PCDH15: variants seen among roughly 807,000 people sequenced by gnomAD.
PCDH15 encodes protocadherin-15.
In PCDH15, 129 loss-of-function variants were observed where a neutral mutation model predicts 178.5. That is an observed-to-expected ratio of 0.72 (90% confidence interval 0.63 to 0.84). PCDH15 has a LOEUF of 0.84. Among genes scored for constraint, PCDH15 ranks in the 40% least tolerant of loss-of-function variants. The pLI is 0.00. For synonymous variants in PCDH15, 800 were observed against 732.0 expected, an observed-to-expected ratio of 1.09 and a Z score of -1.50; for missense variants, 2,230 against 2,099.9, an observed-to-expected ratio of 1.06 and a Z score of -1.21.
At chr10:54,856,536 T>G (rs1225823554) in intron 3 of PCDH15, among the ~76,000 whole-genome samples, 1 of 152,228 alleles carries the variant, frequency 6.6e-6, no homozygotes, top group Admixed American at 6.5e-5. Context: ...TAAGTGCCAC[T>G]TATATAAACA....
chr10:54,210,957 GAGAC>G (rs1353755216), intron 10 of PCDH15, among the ~76,000 whole-genome samples: 3 of 151,990 alleles, frequency 2.0e-5, no homozygotes, highest in African/African-American at 7.2e-5. Flanking sequence ...GAAGAACTGA[GAGAC>G]AGTAAATTAT....
At chr10:53,809,346 T>G in intron 37 of PCDH15, 1 of 1,613,226 alleles carries the variant, frequency 6.2e-7, no homozygotes, top group South Asian at 1.1e-5. Flanking sequence ...TCTGCCACTC[T>G]TCACCCTCAA....
intron 2 of PCDH15, among the ~76,000 whole-genome samples, chr10:54,571,901 C>A (rs944821809): frequency 1.3e-5 from 2 of 152,106 alleles, no homozygotes; most frequent in African/African-American, 4.8e-5. Context: ...CAGGACTTCT[C>A]AGAAGGTTGG....
chr10:54,171,593 G>A (rs1437895753), intron 13 of PCDH15, among the ~76,000 whole-genome samples: 1 of 151,968 alleles, frequency 6.6e-6, no homozygotes, highest in Non-Finnish European at 1.5e-5. Context: ...GTTTTTCCAA[G>A]CCATCACAGC....
At chr10:54,323,646 T>C (rs7914488) in intron 7 of PCDH15, among the ~76,000 whole-genome samples, 31,138 of 151,986 alleles carry the variant, frequency 0.2, 3,244 homozygotes, top group Admixed American at 0.23. Flanking sequence ...ATATCAGTTT[T>C]TCAATGGGAG....
Position 55,113,650 on chromosome 10 carries a change from T to C in PCDH15, c.-80+52926A>G, listed in dbSNP as rs1419557390. Among the ~76,000 whole-genome samples the C allele has an allele frequency of 2.0e-5, 3 of 152,196 alleles. No homozygotes were observed. The East Asian group carries it at 5.8e-4, about 29-fold the overall frequency. ...TATACTGTGTTAACTTATCTAATTATATGCATGCTTAGAAATTCCAGGGGC... is the reference window on the plus strand; with the variant it reads ...TATACTGTGTTAACTTATCTAATTACATGCATGCTTAGAAATTCCAGGGGC... On this transcript the variant is annotated intron_variant, in intron 2 of 5. Transcript: ENST00000458638.
intron 2 of PCDH15, among the ~76,000 whole-genome samples, chr10:54,547,213 G>A (rs1366846926): frequency 6.6e-6 from 1 of 152,120 alleles, no homozygotes; most frequent in African/African-American, 2.4e-5. Context: ...AATAGATGAA[G>A]TTTAATATGA....
At position 54,998,887 on chromosome 10, in the gene PCDH15, C is replaced by T. The variant is rs916311342; in HGVS notation, c.-79-101387G>A. On this transcript the variant is annotated intron_variant, in intron 2 of 5. Transcript: ENST00000458638. ...AGTTGTATATCAGGAACAAAATATC[C>T]ACAACGTGTATGTTTTTATGTCCTG... Among the ~76,000 whole-genome samples the T allele has an allele frequency of 4.6e-4, 70 of 152,034 alleles. 1 individual carries two copies. Among genetic ancestry groups the T allele is most frequent in the Non-Finnish European group, 9.0e-4 (61 of 67,984 alleles).
intron 2 of PCDH15, among the ~76,000 whole-genome samples, chr10:54,549,869 T>C (rs2086353603): frequency 6.6e-6 from 1 of 152,082 alleles, no homozygotes; most frequent in Admixed American, 6.6e-5. Flanking sequence ...TACATGCATA[T>C]TTAGAATTGC....
At position 55,210,950 on chromosome 10, in the gene PCDH15, G is replaced by T. The variant is rs894347713; in HGVS notation, c.-155-44299C>A. Among the ~76,000 whole-genome samples the T allele has an allele frequency of 3.3e-5, 5 of 151,984 alleles. 1 individual carries two copies. Among genetic ancestry groups the T allele is most frequent in the African/African-American group, 1.2e-4 (5 of 41,396 alleles). ...CTGATGATTCTTTTAATAACTGACT[G>T]TAAATATAGAGTCCCTCTCCCTGTA... On this transcript the variant is annotated intron_variant, in intron 1 of 5. Coordinates refer to the PCDH15 transcript ENST00000458638.
At chr10:54,316,563 CACACACACACACA>C (rs1189881514) in intron 8 of PCDH15, among the ~76,000 whole-genome samples, 1 of 56,032 alleles carries the variant, frequency 1.8e-5, no homozygotes, top group Non-Finnish European at 5.2e-5. Context: ...CACACACACA[CACACACACACACA>C]AATACACCTT....
intron 1 of PCDH15, among the ~76,000 whole-genome samples, chr10:55,242,557 G>T (rs954572298): frequency 6.6e-6 from 1 of 151,960 alleles, no homozygotes; most frequent in African/African-American, 2.4e-5. Context: ...ACAAACTGTC[G>T]GCCAGGAACA....
intron 36 of PCDH15, 65 bp from the exon 37 acceptor site, chr10:53,810,729 G>A: frequency 1.4e-6 from 2 of 1,388,794 alleles, no homozygotes; most frequent in South Asian, 1.2e-5. Context: ...TACCATGAGT[G>A]ATCTGTTTCC....
chr10:55,327,019 G>A (rs993404009), intron 2 of PCDH15, among the ~76,000 whole-genome samples: 1 of 152,126 alleles, frequency 6.6e-6, no homozygotes, highest in African/African-American at 2.4e-5. Flanking sequence ...AAATGTTGCT[G>A]TGGAATGACT....
intron 1 of PCDH15, among the ~76,000 whole-genome samples, chr10:55,242,015 C>T (rs990158657): frequency 9.9e-5 from 15 of 152,074 alleles, no homozygotes; most frequent in East Asian, 1.9e-4. Flanking sequence ...ATTGAGAACA[C>T]ATAATAGTAT....
intron 2 of PCDH15, among the ~76,000 whole-genome samples, chr10:54,633,920 C>T (rs1199022899): frequency 6.6e-6 from 1 of 152,096 alleles, no homozygotes; most frequent in Non-Finnish European, 1.5e-5. Flanking sequence ...CATGGTTGTA[C>T]ACAAATCAGC....
chr10:54,559,848 A>G (rs2087823280), intron 2 of PCDH15, among the ~76,000 whole-genome samples: 1 of 94,542 alleles, frequency 1.1e-5, no homozygotes, highest in Admixed American at 1.1e-4. Context: ...TTTGTCTTAT[A>G]GTAAAAAAAA....
chr10:54,016,829 T>C lies in PCDH15; in HGVS notation c.2751+3363A>G, dbSNP rs143917977. On this transcript the variant is annotated intron_variant, in intron 20 of 37. Transcript: ENST00000644397. The stretch of plus-strand genomic sequence containing the variant: ...AAATAATCTGTACAGTCAAACCCTG[T>C]GACACACAATTTACCTGTATAACAA... 2.5e-3 allele frequency among the ~76,000 whole-genome samples: 373 copies of C among 152,234 alleles called. 3 individuals are homozygous for C. Among genetic ancestry groups the C allele is most frequent in the African/African-American group, 8.3e-3 (346 of 41,544 alleles).
chr10:55,318,677 AAT>A (rs1294397026), intron 1 of PCDH15, among the ~76,000 whole-genome samples: 1 of 152,184 alleles, frequency 6.6e-6, no homozygotes, highest in Non-Finnish European at 1.5e-5. Flanking sequence ...AAATGTAAAA[AAT>A]AATATGATGA....
Sources: gnomAD v4.1 joint callset for allele counts (sites outside exome capture counted in the v4.1 genomes callset) on GRCh38, gnomAD v4.1.1 for gene constraint, MANE v1.5 for transcripts, NCBI Gene and HGNC (gene_info 2026-07-23, HGNC 2026-07-21) for gene names.